Variants in PCDHA11 observed in about 807,000 individuals in gnomAD.
PCDHA11 encodes protocadherin alpha 11, also known as protocadherin alpha-11.
Under a neutral mutation model 70.3 loss-of-function variants are expected in PCDHA11, and 61 were observed. The ratio of observed to expected loss-of-function variants is 0.87; its 90% CI spans 0.71 to 1.07. PCDHA11 has a LOEUF of 1.07. Ranked by LOEUF, PCDHA11 falls within the 50% of genes least tolerant of loss-of-function variation. PCDHA11 has a pLI of 0.00. For missense variants in PCDHA11, 1,324 were observed against 1,237.5 expected, an observed-to-expected ratio of 1.07 and a Z score of -1.05; for synonymous variants, 633 against 555.1, an observed-to-expected ratio of 1.14 and a Z score of -1.97.
At chr5:140,982,214 TG>T in intron 2 of PCDHA11, 1 of 485,000 alleles carries the variant, frequency 2.1e-6, no homozygotes, top group Non-Finnish European at 3.3e-6. Flanking sequence ...GAGCGCCACA[TG>T]GCGTTAATAA....
chr5:140,967,775 G>A, intron 1 of PCDHA11: 2 of 1,614,200 alleles, frequency 1.2e-6, no homozygotes, highest in South Asian at 2.2e-5. Context: ...CTATGTGCAG[G>A]CGACTGACCG....
intron 1 of PCDHA11, chr5:140,967,799 A>G: frequency 1.2e-6 from 2 of 1,614,190 alleles, no homozygotes; most frequent in Non-Finnish European, 1.7e-6. Context: ...TCCAGTGCCC[A>G]TGGCAGGTCA....
intron 1 of PCDHA11, among the ~76,000 whole-genome samples, chr5:140,907,880 A>G (rs2073662183): frequency 6.6e-6 from 1 of 152,236 alleles, no homozygotes; most frequent in Non-Finnish European, 1.5e-5. Flanking sequence ...GAGCACTCAC[A>G]TGGGATACAA....
At chr5:140,975,917 A>C (rs1287006605) in intron 1 of PCDHA11, among the ~76,000 whole-genome samples, 1 of 152,220 alleles carries the variant, frequency 6.6e-6, no homozygotes, top group Non-Finnish European at 1.5e-5. Context: ...TATTCTACCA[A>C]AAGACTAACC....
At chr5:140,988,157 G>A (rs1344911037) in intron 3 of PCDHA11, among the ~76,000 whole-genome samples, 5 of 152,014 alleles carry the variant, frequency 3.3e-5, no homozygotes, top group African/African-American at 7.3e-5. Context: ...AACTTCTGCC[G>A]TTGTCATAGC....
At chr5:140,967,519 C>T (rs147791062) in intron 1 of PCDHA11, 1 of 1,612,804 alleles carries the variant, frequency 6.2e-7, no homozygotes, top group Non-Finnish European at 8.5e-7. Flanking sequence ...TGGACACTAA[C>T]GACAACTCTC....
chr5:140,961,704 C>T (rs1381981839), intron 1 of PCDHA11, among the ~76,000 whole-genome samples: 1 of 152,086 alleles, frequency 6.6e-6, no homozygotes, highest in African/African-American at 2.4e-5. Flanking sequence ...GTATGAATGC[C>T]TTCATTTCTA....
chr5:140,999,368 A>G (rs549083218), intron 3 of PCDHA11, among the ~76,000 whole-genome samples: 1 of 152,280 alleles, frequency 6.6e-6, no homozygotes, highest in African/African-American at 2.4e-5. Context: ...TCACAATCCC[A>G]TTAGATGGTT....
intron 1 of PCDHA11, among the ~76,000 whole-genome samples, chr5:140,874,231 G>T (rs1554167098): frequency 6.6e-6 from 1 of 152,124 alleles, no homozygotes; most frequent in African/African-American, 2.4e-5. Flanking sequence ...GGAATGAATG[G>T]CAACAAATTA....
chr5:140,972,910 C>G (rs2096563603), intron 1 of PCDHA11, among the ~76,000 whole-genome samples: 1 of 152,054 alleles, frequency 6.6e-6, no homozygotes, highest in Non-Finnish European at 1.5e-5. Flanking sequence ...GATCCACCCG[C>G]CTTGGCCTCC....
chr5:140,904,098 A>G (rs184234910), intron 1 of PCDHA11, among the ~76,000 whole-genome samples: 35 of 152,296 alleles, frequency 2.3e-4, no homozygotes, highest in African/African-American at 7.9e-4. Context: ...TAACTACTTT[A>G]GTGGTCATTG....
intron 1 of PCDHA11, chr5:140,884,069 T>A (rs2059977023): frequency 6.2e-7 from 1 of 1,613,394 alleles, no homozygotes; most frequent in Non-Finnish European, 8.5e-7. Flanking sequence ...GGACGCCGAT[T>A]CGGGCTACAA....
Position 140,870,366 on chromosome 5 carries a change from A to G in PCDHA11, c.1263A>G (p.Glu421=). 1 of 1,613,926 alleles carries G rather than the reference A, an allele frequency of 6.2e-7. No homozygotes were observed. Among genetic ancestry groups the G allele is most frequent in the South Asian group, 1.1e-5 (1 of 91,046 alleles). ...ACCGCGAGAACGTGTGGGCCTATGA[A>G]CTGGTGGTGACTGCGCGGGATGGGG... ...ALDRENVWAY[E]LVVTARDGGS... The change falls in exon 1 of 4, where the codon GAA becomes GAG. Residue 421 remains glutamate (E), a synonymous_variant. Coordinates refer to ENST00000398640, the MANE Select transcript of PCDHA11 (RefSeq NM_018902.5).
intron 1 of PCDHA11, among the ~76,000 whole-genome samples, chr5:140,947,509 T>C (rs1358803536): frequency 2.6e-5 from 4 of 151,722 alleles, no homozygotes; most frequent in Non-Finnish European, 4.4e-5. Flanking sequence ...AATTTTCATA[T>C]AAATTTTAGA....
At chr5:140,914,782 G>T (rs563426406) in intron 1 of PCDHA11, among the ~76,000 whole-genome samples, 3 of 151,862 alleles carry the variant, frequency 2.0e-5, no homozygotes, top group Non-Finnish European at 4.4e-5. Context: ...CTTATCTTAT[G>T]ACCCATTATT....
chr5:140,871,298 C>G lies in PCDHA11; in HGVS notation c.2195C>G (p.Ala732Gly), dbSNP rs987284077. 1 of 1,613,894 alleles carries G rather than the reference C, an allele frequency of 6.2e-7. No individual in the cohort carries two copies. The highest frequency in any genetic ancestry group is 8.5e-7 in the Non-Finnish European group (1 of 1,179,930). ...WSATPTEGACAPGKPTLVCSR... is the reference protein window; with the variant it reads ...WSATPTEGACGPGKPTLVCSR... ...GCAACGCCCACTGAGGGCGCGTGCGCGCCGGGGAAGCCCACGCTGGTGTGC... is the reference window on the plus strand; with the variant it reads ...GCAACGCCCACTGAGGGCGCGTGCGGGCCGGGGAAGCCCACGCTGGTGTGC... Residue 732 changes from alanine to glycine, a missense_variant, in exon 1 of 4, where the codon GCG becomes GGG. By Grantham distance (60) the Ala-to-Gly change is moderately conservative. Transcript: ENST00000398640.
intron 1 of PCDHA11, chr5:140,927,790 G>C: frequency 6.2e-7 from 1 of 1,614,218 alleles, no homozygotes; most frequent in Non-Finnish European, 8.5e-7. Flanking sequence ...TGCTTCACTA[G>C]GTCCGCCTGA....
At position 140,926,615 on chromosome 5, in the gene PCDHA11, C is replaced by G. The variant is rs540135252; in HGVS notation, c.2392-52334C>G. On this transcript the variant is annotated intron_variant, in intron 1 of 3. Coordinates refer to ENST00000398640, the MANE Select transcript of PCDHA11 (RefSeq NM_018902.5). ...GGCGGGCGGCCTCGTCTCTGCACCC[C>G]TAGGCGGCGCTGCGCTCCTCAACAC... 1,855 of 379,286 alleles carry G rather than the reference C, an allele frequency of 4.9e-3. 8 individuals are homozygous for G. Among genetic ancestry groups the G allele is most frequent in the African/African-American group, 0.019 (896 of 47,466 alleles). The allele number at this position is 379,286 out of a possible 1,614,324, so 23.5% of individuals were successfully genotyped here. A position where few individuals can be genotyped will look rare whatever the true frequency, so the allele number is the denominator to read the frequency against.
At chr5:140,936,577 A>G (rs776415020) in intron 1 of PCDHA11, among the ~76,000 whole-genome samples, 1 of 152,186 alleles carries the variant, frequency 6.6e-6, no homozygotes, top group Non-Finnish European at 1.5e-5. Flanking sequence ...TCCACTTGTA[A>G]ATCCAGTTAG....
Sources: gnomAD v4.1 joint callset for allele counts (sites outside exome capture counted in the v4.1 genomes callset) on GRCh38, gnomAD v4.1.1 for gene constraint, MANE v1.5 for transcripts, NCBI Gene and HGNC (gene_info 2026-07-23, HGNC 2026-07-21) for gene names.